The following SERPINH1 variants were observed in gnomAD, a reference collection of about 807,000 sequenced individuals.
SERPINH1 encodes the protein serpin H1.
Under a neutral mutation model 32.3 loss-of-function variants are expected in SERPINH1, and 22 were observed. That is an observed-to-expected ratio of 0.68 (90% CI 0.49 to 0.97). SERPINH1 has a LOEUF of 0.97. Ranked by LOEUF, SERPINH1 falls within the 50% of genes least tolerant of loss-of-function variation. SERPINH1 has a pLI of 0.00. For synonymous variants in SERPINH1, 251 were observed against 245.9 expected, an observed-to-expected ratio of 1.02 and a Z score of -0.19; for missense variants, 543 against 576.4, an observed-to-expected ratio of 0.94 and a Z score of 0.59.
At position 75,566,389 on chromosome 11, in the gene SERPINH1, G is replaced by C. The variant is rs750583954; in HGVS notation, c.40G>C (p.Glu14Gln). The change falls in exon 2 of 5, where the codon GAG becomes CAG. Residue 14 changes from glutamate (E) to glutamine (Q), a missense_variant. Glu to Gln is a conservative substitution (Grantham distance 29, BLOSUM62 2). Coordinates refer to ENST00000358171, the MANE Select transcript of SERPINH1 (RefSeq NM_001235.5). The stretch of plus-strand genomic sequence containing the variant: ...GCTTCTCAGCGCCTTCTGCCTCCTG[G>C]AGGCGGCCCTGGCCGCCGAGGTGAA... ...LLLLSAFCLL[E>Q]AALAAEVKKP... 1 of 1,610,644 alleles carries C rather than the reference G, an allele frequency of 6.2e-7. No homozygotes were observed. Among genetic ancestry groups the C allele is most frequent in the East Asian group, 2.2e-5 (1 of 44,830 alleles).
At position 75,569,016 on chromosome 11, in the gene SERPINH1, C is replaced by T; in HGVS notation, c.799C>T (p.Leu267Phe). 6.2e-7 allele frequency: 1 copy of T among 1,614,234 alleles called. No homozygotes were observed. The highest frequency in any genetic ancestry group is 8.5e-7 in the Non-Finnish European group (1 of 1,180,048). Reference protein sequence around the residue: ...EMPLAHKLSSLIILMPHHVEP... With the variant: ...EMPLAHKLSSFIILMPHHVEP... The stretch of plus-strand genomic sequence containing the variant: ...GCCCCTGGCCCACAAGCTCTCCAGC[C>T]TCATCATCCTCATGCCCCATCACGT... Residue 267 changes from leucine to phenylalanine, a missense_variant, in exon 4 of 5, where the codon CTC (leucine) becomes TTC (phenylalanine). Physicochemically the swap from Leu to Phe is conservative, Grantham distance 22. This residue lies in a region of SERPINH1 where 427 missense variants were observed against 446.4 expected (regional missense o/e 0.96). Transcript: ENST00000358171.
intron 4 of SERPINH1, chr11:75,569,377 G>A (rs567038915): frequency 3.4e-6 from 2 of 591,952 alleles, no homozygotes; most frequent in South Asian, 4.2e-5. Context: ...AAATATAACG[G>A]AACATTCCTG....
At chr11:75,569,334 G>A (rs1283752803) in intron 4 of SERPINH1, 163 bp downstream of exon 4, 4 of 614,554 alleles carry the variant, frequency 6.5e-6, no homozygotes. Context: ...TGTGGGCCAT[G>A]CCCTTGGGAA....
At chr11:75,567,229 A>G (rs1407587875) in intron 2 of SERPINH1, among the ~76,000 whole-genome samples, 2 of 152,244 alleles carry the variant, frequency 1.3e-5, no homozygotes, top group Non-Finnish European at 2.9e-5. Flanking sequence ...AATTTCGTCA[A>G]AGTGCTCGTC....
intron 2 of SERPINH1, chr11:75,568,436 G>T: frequency 2.1e-6 from 1 of 479,962 alleles, no homozygotes; most frequent in South Asian, 2.0e-5. Flanking sequence ...AGAGCCGGGG[G>T]TGGCCATAGA....
At chr11:75,564,895 G>A (rs969450490) in intron 1 of SERPINH1, among the ~76,000 whole-genome samples, 11 of 152,196 alleles carry the variant, frequency 7.2e-5, no homozygotes, top group African/African-American at 2.7e-4. Context: ...AAATACAGTG[G>A]TCCCCAGGCA....
chr11:75,568,776 G>T lies in SERPINH1; in HGVS notation c.668G>T (p.Gly223Val). 1 of 1,613,930 alleles carries T rather than the reference G, an allele frequency of 6.2e-7. No homozygotes were observed. The highest frequency in any genetic ancestry group is 2.2e-5 in the East Asian group (1 of 44,870). ...CACCACAAGATGGTGGACAACCGTG[G>T]CTTCATGGTGACTCGGTCCTATACC... is the stretch of plus-strand genomic sequence containing the variant. ...KFHHKMVDNR[G>V]FMVTRSYTVG... Residue 223 changes from glycine (G) to valine (V), a missense_variant, in exon 3 of 5, where the codon GGC (glycine) becomes GTC (valine). Gly to Val is a moderately radical substitution (Grantham distance 109). Around this residue, in one of 3 missense-constraint regions of SERPINH1, gnomAD observed 427 missense variants for 446.4 expected, o/e 0.96. Transcript: ENST00000358171.
intron 2 of SERPINH1, chr11:75,567,704 A>C (rs1425048939): frequency 6.6e-6 from 1 of 152,332 alleles, no homozygotes; most frequent in Non-Finnish European, 1.5e-5. Context: ...CTCAGCAAGG[A>C]GGAAGCAGAG....
intron 4 of SERPINH1, among the ~76,000 whole-genome samples, chr11:75,570,180 C>A (rs1306721999): frequency 6.6e-6 from 1 of 152,022 alleles, no homozygotes; most frequent in Non-Finnish European, 1.5e-5. Flanking sequence ...TTTTGACTTA[C>A]CCAAAAAAGG....
At chr11:75,567,371 G>A (rs1942109226) in intron 2 of SERPINH1, among the ~76,000 whole-genome samples, 1 of 152,086 alleles carries the variant, frequency 6.6e-6, no homozygotes, top group South Asian at 2.1e-4. Context: ...ACCCAGGCTG[G>A]AGTGCAATGG....
intron 4 of SERPINH1, among the ~76,000 whole-genome samples, chr11:75,569,890 G>C (rs1304910247): frequency 6.6e-6 from 1 of 152,044 alleles, no homozygotes; most frequent in Non-Finnish European, 1.5e-5. Flanking sequence ...CTCGGTCACT[G>C]CACTGCCTCT....
chr11:75,562,408 A>C (rs549447329), intron 1 of SERPINH1, 89 bp downstream of exon 1: 1 of 151,806 alleles, frequency 6.6e-6, no homozygotes, highest in Non-Finnish European at 1.5e-5. Context: ...GGGCGAGGGG[A>C]CCCTGCGAAG....
chr11:75,568,288 T>C (rs145638963), intron 2 of SERPINH1: 15 of 248,534 alleles, frequency 6.0e-5, no homozygotes, highest in African/African-American at 3.6e-4. Context: ...ACGGACCTTG[T>C]CTCAAAAAGA....
chr11:75,571,479 TG>T (rs2135557268), intron 4 of SERPINH1, among the ~76,000 whole-genome samples: 1 of 152,282 alleles, frequency 6.6e-6, no homozygotes, highest in South Asian at 2.1e-4. Context: ...AGCTCCTGGG[TG>T]GTGCCCATGC....
At chr11:75,571,190 T>C (rs1942189582) in intron 4 of SERPINH1, among the ~76,000 whole-genome samples, 1 of 152,170 alleles carries the variant, frequency 6.6e-6, no homozygotes, top group South Asian at 2.1e-4. Context: ...GTCGCCCAGC[T>C]TCAAGCATTA....
chr11:75,571,417 G>T (rs917739635), intron 4 of SERPINH1, among the ~76,000 whole-genome samples: 8 of 152,206 alleles, frequency 5.3e-5, no homozygotes, highest in African/African-American at 1.9e-4. Flanking sequence ...CACTCCCAGA[G>T]ATTCTGATTC....
At chr11:75,565,605 G>A (rs1942060383) in intron 1 of SERPINH1, among the ~76,000 whole-genome samples, 1 of 85,622 alleles carries the variant, frequency 1.2e-5, no homozygotes, top group Non-Finnish European at 2.9e-5. Flanking sequence ...CTGAGGCTGA[G>A]TGGACACAGG....
Position 75,571,841 on chromosome 11 carries a change from C to G in SERPINH1, c.1015C>G (p.Arg339Gly). 6.2e-7 allele frequency: 1 copy of G among 1,614,162 alleles called. No individual in the cohort carries two copies. The highest frequency in any genetic ancestry group is 1.3e-5 in the African/African-American group (1 of 75,060). ...AIDKNKADLS[R>G]MSGKKDLYLA... Reference sequence around the variant, plus strand: ...TGACAAGAACAAGGCCGACTTGTCACGCATGTCAGGCAAGAAGGACCTGTA... The same window carrying G: ...TGACAAGAACAAGGCCGACTTGTCAGGCATGTCAGGCAAGAAGGACCTGTA... The change falls in exon 5 of 5, where the codon CGC becomes GGC. Residue 339 changes from arginine to glycine, a missense_variant. Arg to Gly is a moderately radical substitution (Grantham distance 125, BLOSUM62 -2). Transcript: ENST00000358171.
chr11:75,567,412 C>T (rs1189808993), intron 2 of SERPINH1, among the ~76,000 whole-genome samples: 1 of 152,210 alleles, frequency 6.6e-6, no homozygotes, highest in South Asian at 2.1e-4. Flanking sequence ...GCCTTGGCCT[C>T]CGGGCTTCAA....
Sources: gnomAD v4.1 joint callset for allele counts (sites outside exome capture counted in the v4.1 genomes callset) on GRCh38, gnomAD v4.1.1 for gene constraint, gnomAD v4.1.1 regional missense constraint, MANE v1.5 for transcripts, NCBI Gene and HGNC (gene_info 2026-07-23, HGNC 2026-07-21) for gene names.